Variants in RAB11FIP1 observed in about 807,000 individuals in gnomAD.
The protein encoded by RAB11FIP1 is rab11 family-interacting protein 1.
RAB11FIP1 carries 49 observed loss-of-function variants against 83.1 expected under a neutral mutation model. That is an observed-to-expected ratio of 0.59 (90% confidence interval 0.47 to 0.75). RAB11FIP1 has a LOEUF of 0.75. Ranked by LOEUF, RAB11FIP1 falls within the 30% of genes least tolerant of loss-of-function variation. The probability of loss-of-function intolerance (pLI) is 0.00; values close to 1 mark genes in which losing one functional copy is unlikely to be tolerated. For synonymous variants in RAB11FIP1, 670 were observed against 656.0 expected (o/e 1.02, Z -0.33); for missense variants, 1,536 against 1,598.7 (o/e 0.96, Z 0.67).
intron 4 of RAB11FIP1, 70 bp downstream of exon 4, chr8:37,871,204 CCGTA>C (rs1806448589): frequency 6.6e-7 from 1 of 1,519,908 alleles, no homozygotes; most frequent in African/African-American, 1.4e-5. Flanking sequence ...GGTTAGAAAG[CCGTA>C]ACCTCTGCAG....
intron 1 of RAB11FIP1, among the ~76,000 whole-genome samples, chr8:37,897,605 A>C (rs932454436): frequency 1.3e-5 from 2 of 151,690 alleles, no homozygotes; most frequent in African/African-American, 4.8e-5. Flanking sequence ...TTACTGCAGA[A>C]GTGAAATAAC....
In RAB11FIP1 at chr8:37,899,149, A is replaced by G; in HGVS notation, c.293T>C (p.Leu98Pro). ...GCGGCCCAGGAACTTGTCGAGGCCG[A>G]GCAGCGCGCGGTGCAGCACGGTGAG... The part of the protein sequence containing the change: ...LQLTVLHRAL[L>P]GLDKFLGRAE... Residue 98 changes from leucine to proline, a missense_variant, in exon 1 of 6, where the codon CTC becomes CCC. Transcript: ENST00000330843. This position sits in a 1 kb window ranked among gnomAD's most constrained non-coding sequence, Gnocchi z 4.5. 2.6e-6 allele frequency: 4 copies of G among 1,546,388 alleles called. No individual in the cohort carries two copies. The highest frequency in any genetic ancestry group is 3.5e-6 in the Non-Finnish European group (4 of 1,155,850).
In RAB11FIP1 at chr8:37,873,197, T is replaced by C. The variant is rs1806520692; in HGVS notation, c.1623-18A>G. 1.3e-6 allele frequency: 2 copies of C among 1,556,680 alleles called. No homozygotes were observed. The highest frequency in any genetic ancestry group is 1.4e-5 in the African/African-American group (1 of 72,954). ...CTTCCAGTCTGCAAAAAGGACAAAA[T>C]AAAATCTGCAGGTCAGTGCAGATGC... On this transcript the variant is annotated intron_variant, in intron 3 of 5. Coordinates refer to ENST00000330843, the MANE Select transcript of RAB11FIP1 (RefSeq NM_001002814.3).
rs1806196945 is a variant in RAB11FIP1, at chr8:37,859,678, T to C, written c.*3217A>G. 1 of 152,276 alleles carries C rather than the reference T, an allele frequency of 6.6e-6. No individual in the cohort carries two copies. Among genetic ancestry groups the C allele is most frequent in the African/African-American group, 2.4e-5 (1 of 41,450 alleles). The allele number at this position is 152,276 out of a possible 1,614,324, so 9.4% of individuals were successfully genotyped here. A position where few individuals can be genotyped will look rare whatever the true frequency, so the allele number is the denominator to read the frequency against. The stretch of plus-strand genomic sequence containing the variant: ...GACTTCCAACTGCAGTTTATGGGTA[T>C]AGAATTTGATGCTTCCCTCAAGTCC... On this transcript the variant is annotated 3_prime_UTR_variant, in exon 6 of 6. Coordinates refer to ENST00000330843, the MANE Select transcript of RAB11FIP1 (RefSeq NM_001002814.3).
intron 1 of RAB11FIP1, among the ~76,000 whole-genome samples, chr8:37,880,300 A>C (rs1806708027): frequency 6.6e-6 from 1 of 151,998 alleles, no homozygotes; most frequent in South Asian, 2.1e-4. Flanking sequence ...CTCCAAAAAA[A>C]AAATTTTTGT....
intron 5 of RAB11FIP1, among the ~76,000 whole-genome samples, chr8:37,870,198 A>C (rs1348232683): frequency 2.0e-5 from 3 of 152,052 alleles, no homozygotes; most frequent in Non-Finnish European, 4.4e-5. Context: ...ATGTTGCTTG[A>C]GACAAAAAAA....
chr8:37,862,929 G>A lies in RAB11FIP1; in HGVS notation c.3818C>T (p.Pro1273Leu), dbSNP rs745980625. Residue 1273 changes from proline (P) to leucine (L), a missense_variant, in exon 6 of 6, where the codon CCG becomes CTG. By Grantham distance (98) the Pro-to-Leu change is moderately conservative. Coordinates refer to ENST00000330843, the MANE Select transcript of RAB11FIP1 (RefSeq NM_001002814.3). Reference protein sequence around the residue: ...MEETPNILRIPTQVGKKAGKM With the variant: ...MEETPNILRILTQVGKKAGKM ...TCCTGCTTTTTTGCCAACCTGAGTCGGGATGCGGAGGATATTGGGGGTTTC... is the reference window on the plus strand; with the variant it reads ...TCCTGCTTTTTTGCCAACCTGAGTCAGGATGCGGAGGATATTGGGGGTTTC... 16 of 1,611,858 alleles carry A rather than the reference G, an allele frequency of 9.9e-6. No homozygotes were observed. The highest frequency in any genetic ancestry group is 1.3e-5 in the African/African-American group (1 of 74,748).
intron 5 of RAB11FIP1, among the ~76,000 whole-genome samples, chr8:37,868,843 C>T (rs1806393831): frequency 6.6e-6 from 1 of 152,070 alleles, no homozygotes; most frequent in Non-Finnish European, 1.5e-5. Context: ...GAGCAAGATA[C>T]TTCCTGGAAA....
intron 1 of RAB11FIP1, among the ~76,000 whole-genome samples, chr8:37,897,602 A>G (rs748169908): frequency 6.9e-4 from 105 of 151,856 alleles, no homozygotes; most frequent in Non-Finnish European, 3.4e-4. Flanking sequence ...TTTTTACTGC[A>G]GAAGTGAAAT....
rs1196722160 is a variant in RAB11FIP1, at chr8:37,859,755, G to C, written c.*3140C>G. The C allele has an allele frequency of 6.6e-6, 1 of 152,266 alleles. No individual in the cohort carries two copies. Among genetic ancestry groups the C allele is most frequent in the Non-Finnish European group, 1.5e-5 (1 of 68,068 alleles). 9.4% of individuals were successfully genotyped at this position (152,266 alleles called of 1,614,324 possible). A position where few individuals can be genotyped will look rare whatever the true frequency, so the allele number is the denominator to read the frequency against. ...CTAGGCCAAGAAATGAGCTGCTCCA[G>C]CTTCTCCAGAGCACAGCAGCCTCCC... On this transcript the variant is annotated 3_prime_UTR_variant, in exon 6 of 6. Transcript: ENST00000330843.
chr8:37,869,601 A>C (rs985780572), intron 5 of RAB11FIP1, among the ~76,000 whole-genome samples: 1 of 152,200 alleles, frequency 6.6e-6, no homozygotes, highest in Admixed American at 6.5e-5. Context: ...CAAAAAAAAG[A>C]AAAAGTTCCC....
rs201230734 is a variant in RAB11FIP1 at position 37,874,681 on chromosome 8, T to C, written c.1456A>G (p.Arg486Gly). The change falls in exon 3 of 6, where the codon AGA becomes GGA. Residue 486 changes from arginine to glycine, a missense_variant. Transcript: ENST00000330843. ...ASGPAEDLVR[R>G]SEKDTAAVVS... ...ACAGCTGCAGTATCTTTCTCAGATCTTCTCACAAGGTCTTCAGCAGGCCCC... is the reference window on the plus strand; with the variant it reads ...ACAGCTGCAGTATCTTTCTCAGATCCTCTCACAAGGTCTTCAGCAGGCCCC... The C allele has an allele frequency of 1.9e-5, 31 of 1,614,178 alleles. No homozygotes were observed. In the African/African-American group the frequency reaches 4.0e-4, roughly 21 times the overall value.
At chr8:37,895,218 AAT>A (rs1157101966) in intron 1 of RAB11FIP1, among the ~76,000 whole-genome samples, 136 of 13,696 alleles carry the variant, frequency 9.9e-3, no homozygotes, top group Non-Finnish European at 0.015. Flanking sequence ...GGTGCCTGCC[AAT>A]ATATATATAT....
At chr8:37,876,750 C>T (rs1464211712) in intron 2 of RAB11FIP1, among the ~76,000 whole-genome samples, 1 of 151,686 alleles carries the variant, frequency 6.6e-6, no homozygotes, top group Non-Finnish European at 1.5e-5. Flanking sequence ...AAGCAATCCT[C>T]CCAGCCTAGC....
chr8:37,865,215 G>C (rs1489970161), intron 5 of RAB11FIP1, among the ~76,000 whole-genome samples: 3 of 152,006 alleles, frequency 2.0e-5, no homozygotes, highest in African/African-American at 4.8e-5. Context: ...ACTCTGCATG[G>C]AGTTTGAAAG....
rs1441586032 is a variant in RAB11FIP1 at position 37,872,908 on chromosome 8, G to A, written c.1894C>T (p.Pro632Ser). Reference protein sequence around the residue: ...QAKSEGPPLLPKAELQTESLT... With the variant: ...QAKSEGPPLLSKAELQTESLT... Reference sequence around the variant, plus strand: ...CTCTCAGTTTGCAACTCTGCCTTAGGGAGCAAGGGTGGTCCTTCAGACTTG... The same window carrying A: ...CTCTCAGTTTGCAACTCTGCCTTAGAGAGCAAGGGTGGTCCTTCAGACTTG... The change falls in exon 4 of 6, where the codon CCT (proline) becomes TCT (serine). Residue 632 changes from proline to serine, a missense_variant. Coordinates refer to ENST00000330843, the MANE Select transcript of RAB11FIP1 (RefSeq NM_001002814.3). The A allele has an allele frequency of 6.2e-7, 1 of 1,614,106 alleles. No individual in the cohort carries two copies. Among genetic ancestry groups the A allele is most frequent in the Non-Finnish European group, 8.5e-7 (1 of 1,180,044 alleles).
chr8:37,895,428 T>C (rs538655733), intron 1 of RAB11FIP1, among the ~76,000 whole-genome samples: 11 of 149,320 alleles, frequency 7.4e-5, no homozygotes, highest in African/African-American at 2.7e-4. Context: ...AAGGTTTCTA[T>C]CAATCTAGGG....
rs1280921967 is a variant in RAB11FIP1, at chr8:37,899,430, C to A, written c.12G>T (p.Met4Ile). 1 of 1,563,248 alleles carries A rather than the reference C, an allele frequency of 6.4e-7. No homozygotes were observed. The highest frequency in any genetic ancestry group is 2.3e-5 in the East Asian group (1 of 43,072). Residue 4 changes from methionine (M) to isoleucine (I), a missense_variant, in exon 1 of 6, where the codon ATG (methionine) becomes ATT (isoleucine). Met to Ile is a conservative substitution (Grantham distance 10). Coordinates refer to ENST00000330843, the MANE Select transcript of RAB11FIP1 (RefSeq NM_001002814.3). The surrounding 1 kb of genome is among the most constrained non-coding windows in gnomAD (Gnocchi z 4.5). MSL[M>I]VSAGRGLGAV... Reference sequence around the variant, plus strand: ...CCCCCAGGCCCCGGCCAGCCGAGACCATTAGGGACATGGTGACGATAACAC... The same window carrying A: ...CCCCCAGGCCCCGGCCAGCCGAGACAATTAGGGACATGGTGACGATAACAC...
chr8:37,871,049 G>A (rs370556286), intron 4 of RAB11FIP1: 99 of 526,858 alleles, frequency 1.9e-4, no homozygotes, highest in Middle Eastern at 5.0e-4. Context: ...AAATCTGACC[G>A]TGCAGAACAA....
Sources: allele counts gnomAD v4.1 joint callset (sites outside exome capture counted in the v4.1 genomes callset), GRCh38; gene constraint gnomAD v4.1.1; non-coding constraint Gnocchi (gnomAD v3.1); transcripts MANE v1.5; gene names NCBI Gene and HGNC (gene_info 2026-07-23, HGNC 2026-07-21).